SH3TC1: variants seen among roughly 807,000 people sequenced by gnomAD.
The protein encoded by SH3TC1 is SH3 domain and tetratricopeptide repeat-containing protein 1.
A neutral mutation model predicts 117.3 loss-of-function variants in SH3TC1; 135 were observed. That is an observed-to-expected ratio of 1.15 (90% CI 1.00 to 1.33). The LOEUF (loss-of-function observed/expected upper bound fraction) is 1.33, where lower values mean the gene tolerates loss of function less well. Among genes scored for constraint, SH3TC1 ranks in the 40% most tolerant of loss-of-function variants. SH3TC1 has a pLI of 0.00. For synonymous variants in SH3TC1, 898 were observed against 816.9 expected, an observed-to-expected ratio of 1.10 and a Z score of -1.69; for missense variants, 2,092 against 1,794.3, an observed-to-expected ratio of 1.17 and a Z score of -3.00.
At position 8,232,106 on chromosome 4, in the gene SH3TC1, G is replaced by A; in HGVS notation, c.3081G>A (p.Gly1027=). ...ACKVADKVLE[G]QLLETISQLY... is the part of the protein sequence containing the mutation. The stretch of plus-strand genomic sequence containing the variant: ...AGGTGGCCGACAAGGTGCTGGAGGG[G>A]CAGCTCCTGGAGACCATCAGCCAGC... Residue 1027 remains glycine, a synonymous_variant, in exon 13 of 18, where the codon GGG becomes GGA. Coordinates refer to ENST00000245105, the MANE Select transcript of SH3TC1 (RefSeq NM_018986.5). 1 of 1,607,856 alleles carries A rather than the reference G, an allele frequency of 6.2e-7. No individual in the cohort carries two copies. Among genetic ancestry groups the A allele is most frequent in the African/African-American group, 1.3e-5 (1 of 74,682 alleles).
intron 1 of SH3TC1, among the ~76,000 whole-genome samples, chr4:8,199,809 C>T (rs536526157): frequency 3.3e-4 from 50 of 152,286 alleles, no homozygotes; most frequent in African/African-American, 1.1e-3. Context: ...GGCCACACTA[C>T]CAGACCTACC....
chr4:8,226,928 C>A lies in SH3TC1; in HGVS notation c.1286-52C>A, dbSNP rs981071138. 10 of 1,403,094 alleles carry A rather than the reference C, an allele frequency of 7.1e-6. No individual in the cohort carries two copies. The African/African-American group carries it at 1.3e-4, about 18-fold the overall frequency. The allele number at this position is 1,403,094 out of a possible 1,614,324, so 86.9% of individuals were successfully genotyped here. The stretch of plus-strand genomic sequence containing the variant: ...TGAGGGGACCCTGCCCCCAGTGGAC[C>A]CAGGACTCACTGCTGGACTCTAATC... On this transcript the variant is annotated intron_variant, in intron 11 of 17. Transcript: ENST00000245105.
intron 7 of SH3TC1, 128 bp downstream of exon 7, chr4:8,217,295 G>A (rs1176015738): frequency 2.1e-5 from 24 of 1,150,166 alleles, no homozygotes; most frequent in Middle Eastern, 2.7e-4. Flanking sequence ...CCATGGCCTT[G>A]TTCTGCTGCT....
chr4:8,216,883 CA>C, intron 6 of SH3TC1, 73 bp from the exon 7 acceptor site: 1 of 1,487,146 alleles, frequency 6.7e-7, no homozygotes, highest in African/African-American at 1.4e-5. Context: ...GTCTGTCCGG[CA>C]GGGGTGTGGG....
intron 6 of SH3TC1, 55 bp downstream of exon 6, chr4:8,216,312 C>T (rs1282541547): frequency 5.1e-6 from 8 of 1,578,212 alleles, no homozygotes; most frequent in Non-Finnish European, 6.9e-6. Context: ...CACTCCCGGG[C>T]CATGGGGTGA....
In SH3TC1 at chr4:8,237,608, G is replaced by A. The variant is rs565837851; in HGVS notation, c.3691G>A (p.Glu1231Lys). ...LCNSPLEFDE[E>K]TLYYVKVYLV... ...CAACTCGCCGCTGGAGTTTGACGAG[G>A]AGACCCTCTACTACGTGAAGGTGTA... is the stretch of plus-strand genomic sequence containing the variant. The change falls in exon 17 of 18, where the codon GAG becomes AAG. Residue 1231 changes from glutamate (E) to lysine (K), a missense_variant. Transcript: ENST00000245105. 3 of 1,612,692 alleles carry A rather than the reference G, an allele frequency of 1.9e-6. No homozygotes were observed. Among genetic ancestry groups the A allele is most frequent in the East Asian group, 2.2e-5 (1 of 44,830 alleles).
At chr4:8,232,490 C>T in intron 13 of SH3TC1, 2 of 1,419,590 alleles carry the variant, frequency 1.4e-6, no homozygotes, top group Non-Finnish European at 1.9e-6. Context: ...TGACCTCTGC[C>T]TGCCCCGAGT....
chr4:8,196,689 G>A (rs944337783), upstream of SH3TC1, among the ~76,000 whole-genome samples: 3 of 152,290 alleles, frequency 2.0e-5, no homozygotes, highest in African/African-American at 4.8e-5. This position sits in a 1 kb window ranked among gnomAD's most constrained non-coding sequence, Gnocchi z 4.6. Flanking sequence ...GCTGGTGGGG[G>A]CTGGGCAGGA....
At chr4:8,202,135 G>A (rs868012879) in intron 1 of SH3TC1, among the ~76,000 whole-genome samples, 1 of 152,170 alleles carries the variant, frequency 6.6e-6, no homozygotes, top group Non-Finnish European at 1.5e-5. Context: ...GCTTCCTGGT[G>A]CTGCCACAGA....
At chr4:8,233,573 G>T (rs115128591) in intron 14 of SH3TC1, 60 bp downstream of exon 14, 1 of 1,485,480 alleles carries the variant, frequency 6.7e-7, no homozygotes, top group Non-Finnish European at 9.0e-7. Context: ...CCATCCATCC[G>T]TCCATTGATG....
Position 8,209,612 on chromosome 4 carries a change from C to A in SH3TC1, c.173-136C>A. On this transcript the variant is annotated intron_variant, in intron 2 of 17. Coordinates refer to ENST00000245105, the MANE Select transcript of SH3TC1 (RefSeq NM_018986.5). This position sits in a 1 kb window ranked among gnomAD's most constrained non-coding sequence, Gnocchi z 5.9. ...GGGCTCTGGGGAGACTGGAGGAAGG[C>A]AGCTGTGGGAAAGGCGGCTCGTGCG... The A allele has an allele frequency of 1.3e-6, 2 of 1,537,218 alleles. No homozygotes were observed. Among genetic ancestry groups the A allele is most frequent in the Non-Finnish European group, 1.7e-6 (2 of 1,145,246 alleles).
At position 8,227,185 on chromosome 4, in the gene SH3TC1, G is replaced by A. The variant is rs752235079; in HGVS notation, c.1491G>A (p.Glu497=). 5.7e-6 allele frequency: 9 copies of A among 1,581,910 alleles called. No homozygotes were observed. Among genetic ancestry groups the A allele is most frequent in the Non-Finnish European group, 6.9e-6 (8 of 1,162,308 alleles). The change falls in exon 12 of 18, where the codon GAG becomes GAA. Residue 497 remains glutamate, a synonymous_variant. Coordinates refer to ENST00000245105, the MANE Select transcript of SH3TC1 (RefSeq NM_018986.5). ...CCGAGGACGACTGGGAGGACCCAGA[G>A]GCCCTGAGCTCACTGCTGCTGTTCC... is the stretch of plus-strand genomic sequence containing the variant. ...LEAEDDWEDP[E]ALSSLLLFLN...
chr4:8,208,327 A>G (rs1218215578), intron 2 of SH3TC1, among the ~76,000 whole-genome samples: 1 of 151,552 alleles, frequency 6.6e-6, no homozygotes, highest in East Asian at 1.9e-4. Context: ...CGGAGTCAAG[A>G]TCTGAGCACC....
chr4:8,238,210 G>A (rs991101189), intron 17 of SH3TC1, among the ~76,000 whole-genome samples: 1 of 152,174 alleles, frequency 6.6e-6, no homozygotes, highest in Non-Finnish European at 1.5e-5. Context: ...GTGGGGCGGG[G>A]CCGGTGTCTT....
chr4:8,235,330 T>C, intron 14 of SH3TC1, 103 bp from the exon 15 acceptor site: 1 of 1,344,250 alleles, frequency 7.4e-7, no homozygotes, highest in Non-Finnish European at 9.7e-7. Flanking sequence ...CAGTTGCACC[T>C]GCAGTGTGTG....
chr4:8,217,208 G>T, intron 7 of SH3TC1, 41 bp downstream of exon 7: 1 of 1,559,142 alleles, frequency 6.4e-7, no homozygotes, highest in Non-Finnish European at 8.7e-7. Flanking sequence ...TGTTGGCCTC[G>T]CTGAGACTCC....
chr4:8,190,834 G>T lies in SH3TC1; in HGVS notation c.-57+8624G>T, dbSNP rs574916576. On this transcript the variant is annotated intron_variant, in intron 1 of 16. Coordinates refer to the SH3TC1 transcript ENST00000508641. The surrounding 1 kb of genome is among the most constrained non-coding windows in gnomAD (Gnocchi z 4.7). ...TTTTTTGTATTTTTTGTAGAGACGGGTTTCACCATGTTGCCCAGGCTGGTC... is the reference window on the plus strand; with the variant it reads ...TTTTTTGTATTTTTTGTAGAGACGGTTTTCACCATGTTGCCCAGGCTGGTC... Among the ~76,000 whole-genome samples the T allele has an allele frequency of 2.6e-5, 4 of 152,190 alleles. No homozygotes were observed. In the East Asian group the frequency reaches 7.7e-4, roughly 29 times the overall value.
chr4:8,197,711 C>A (rs915718028), upstream of SH3TC1, among the ~76,000 whole-genome samples: 9 of 74,626 alleles, frequency 1.2e-4, no homozygotes, highest in African/African-American at 1.8e-4. Context: ...TCCTCGAGTT[C>A]TTTTCAGGGC....
upstream of SH3TC1, among the ~76,000 whole-genome samples, chr4:8,198,082 C>T (rs1327029784): frequency 6.6e-6 from 1 of 152,096 alleles, no homozygotes; most frequent in Non-Finnish European, 1.5e-5. Flanking sequence ...CCAGCTAAAA[C>T]CCTCCAGTGC....
Sources: allele counts gnomAD v4.1 joint callset (sites outside exome capture counted in the v4.1 genomes callset), GRCh38; gene constraint gnomAD v4.1.1; non-coding constraint Gnocchi (gnomAD v3.1); transcripts MANE v1.5; gene names NCBI Gene and HGNC (gene_info 2026-07-23, HGNC 2026-07-21).